Variants in PRRC2C observed in about 807,000 individuals in gnomAD.
The protein encoded by PRRC2C is protein PRRC2C.
In PRRC2C, 72 loss-of-function variants were observed where a neutral mutation model predicts 317.2. That is an observed-to-expected ratio of 0.23 (90% CI 0.19 to 0.28). PRRC2C has a LOEUF of 0.28. Ranked by LOEUF, PRRC2C falls within the 10% of genes least tolerant of loss-of-function variation. PRRC2C has a pLI of 1.00. For missense variants in PRRC2C, 3,074 were observed against 3,459.7 expected, an observed-to-expected ratio of 0.89 and a Z score of 2.80; for synonymous variants, 1,296 against 1,205.9, an observed-to-expected ratio of 1.07 and a Z score of -1.55.
At chr1:171,547,633 C>CT (rs35480518) in intron 17 of PRRC2C, among the ~76,000 whole-genome samples, 99 of 129,790 alleles carry the variant, frequency 7.6e-4, no homozygotes, top group Middle Eastern at 4.5e-3. Context: ...AGTTTCCCTT[C>CT]TTTTTTTTTT....
chr1:171,579,970 T>C lies in PRRC2C; in HGVS notation c.7409+6T>C. On this transcript the variant is annotated splice_donor_region_variant and intron_variant, in intron 28 of 34. Transcript: ENST00000647382. ...TCCTCACTTCAACCATATAGGTAAA[T>C]GCTTTAAAAGTTATGTTTGTAATGA... 1 of 1,512,980 alleles carries C rather than the reference T, an allele frequency of 6.6e-7. No homozygotes were observed. Among genetic ancestry groups the C allele is most frequent in the Non-Finnish European group, 8.8e-7 (1 of 1,133,850 alleles). 93.7% of individuals were successfully genotyped at this position (1,512,980 alleles called of 1,614,324 possible).
intron 1 of PRRC2C, among the ~76,000 whole-genome samples, chr1:171,497,244 T>G (rs1285706755): frequency 6.6e-6 from 1 of 152,218 alleles, no homozygotes; most frequent in African/African-American, 2.4e-5. Flanking sequence ...TATTTCAGTT[T>G]GTTAATTTCT....
intron 4 of PRRC2C, 24 bp from the exon 5 acceptor site, chr1:171,515,710 A>T (rs759191849): frequency 6.5e-7 from 1 of 1,549,554 alleles, no homozygotes; most frequent in South Asian, 1.2e-5. Context: ...GTTACCTTTA[A>T]TGTTTTTTTA....
intron 30 of PRRC2C, 146 bp downstream of exon 30, chr1:171,584,672 C>T (rs2102861352): frequency 1.1e-6 from 1 of 945,076 alleles, no homozygotes; most frequent in Non-Finnish European, 1.5e-6. Context: ...AAGAATTCCA[C>T]TGGGTCCACG....
chr1:171,523,323 C>T lies in PRRC2C; in HGVS notation c.936C>T (p.Asn312=). The stretch of plus-strand genomic sequence containing the variant: ...TGAAGGAGCTTGATAAATTTGATAA[C>T]CTAGATGCTGAAGCTGATGAAGGTT... The part of the protein sequence containing the change: ...SELKELDKFD[N]LDAEADEGWA... The change falls in exon 8 of 35, where the codon AAC becomes AAT. Residue 312 remains asparagine (N), a synonymous_variant. Coordinates refer to ENST00000647382, the MANE Select transcript of PRRC2C (RefSeq NM_001387844.1). 6.2e-7 allele frequency: 1 copy of T among 1,613,874 alleles called. No homozygotes were observed. The highest frequency in any genetic ancestry group is 1.1e-5 in the South Asian group (1 of 91,070).
chr1:171,548,507 A>G (rs1476184654), intron 17 of PRRC2C, among the ~76,000 whole-genome samples: 6 of 152,196 alleles, frequency 3.9e-5, no homozygotes, highest in African/African-American at 7.2e-5. Flanking sequence ...TTTTTATTGT[A>G]TATGTAATTT....
At chr1:171,579,574 C>G in intron 27 of PRRC2C, 108 bp downstream of exon 27, 2 of 1,433,798 alleles carry the variant, frequency 1.4e-6, no homozygotes, top group Non-Finnish European at 1.8e-6. Context: ...AAGCTACCCA[C>G]GATTAGCTTG....
At chr1:171,526,175 T>C (rs1674528582) in intron 10 of PRRC2C, among the ~76,000 whole-genome samples, 1 of 152,212 alleles carries the variant, frequency 6.6e-6, no homozygotes, top group African/African-American at 2.4e-5. Flanking sequence ...TTCATGTATT[T>C]TGTTCCATTA....
intron 1 of PRRC2C, among the ~76,000 whole-genome samples, chr1:171,491,683 C>T (rs1437633055): frequency 6.6e-6 from 1 of 152,140 alleles, no homozygotes; most frequent in Non-Finnish European, 1.5e-5. Flanking sequence ...ACAGAATTCT[C>T]ATTTATCCAG....
intron 1 of PRRC2C, among the ~76,000 whole-genome samples, chr1:171,495,393 C>T (rs1484914447): frequency 6.6e-6 from 1 of 152,152 alleles, no homozygotes; most frequent in Admixed American, 6.5e-5. Context: ...ATTGGTACTC[C>T]TTCAGATGTA....
intron 34 of PRRC2C, chr1:171,591,373 GTTT>G (rs35289979): frequency 1.5e-4 from 41 of 268,150 alleles, no homozygotes; most frequent in South Asian, 6.5e-4. Context: ...TGGTCCTGTG[GTTT>G]TTTTTTTTTT....
At chr1:171,550,379 T>A (rs908521884) in intron 18 of PRRC2C, 139 bp downstream of exon 18, 2 of 707,196 alleles carry the variant, frequency 2.8e-6, no homozygotes, top group Admixed American at 3.6e-5. Context: ...TTCCCAACTT[T>A]TAATCATTTT....
intron 24 of PRRC2C, among the ~76,000 whole-genome samples, chr1:171,574,703 A>G (rs976332111): frequency 1.3e-5 from 2 of 152,194 alleles, no homozygotes; most frequent in Non-Finnish European, 2.9e-5. Flanking sequence ...TTTAAATGAT[A>G]CACTCTCACA....
intron 11 of PRRC2C, among the ~76,000 whole-genome samples, chr1:171,531,608 A>AT (rs892176003): frequency 2.0e-5 from 3 of 152,158 alleles, no homozygotes; most frequent in African/African-American, 7.2e-5. Context: ...TGTTAAAAAC[A>AT]TTTTTTTAAT....
chr1:171,537,173 A>G (rs889561075), intron 14 of PRRC2C, 90 bp from the exon 15 acceptor site: 20 of 998,988 alleles, frequency 2.0e-5, no homozygotes, highest in Non-Finnish European at 2.6e-5. Flanking sequence ...CCACCTAACA[A>G]TTAATAACCT....
Position 171,537,416 on chromosome 1 carries a change from A to T in PRRC2C, c.2447A>T (p.His816Leu). ...CTGTGGGGGTCAGATCCCTATCCTC[A>T]TGCTGAGCCTCAACAAGCAACTACT... Reference protein sequence around the residue: ...RMLWGSDPYPHAEPQQATTPK... With the variant: ...RMLWGSDPYPLAEPQQATTPK... Residue 816 changes from histidine (H) to leucine (L), a missense_variant, in exon 15 of 35, where the codon CAT (histidine) becomes CTT (leucine). Around this residue, in one of 11 missense-constraint regions of PRRC2C, gnomAD observed 1,320 missense variants for 1,395.7 expected, o/e 0.95. Coordinates refer to ENST00000647382, the MANE Select transcript of PRRC2C (RefSeq NM_001387844.1). The T allele has an allele frequency of 6.3e-7, 1 of 1,588,902 alleles. No homozygotes were observed. Among genetic ancestry groups the T allele is most frequent in the Non-Finnish European group, 8.6e-7 (1 of 1,166,710 alleles).
intron 17 of PRRC2C, among the ~76,000 whole-genome samples, chr1:171,547,416 C>T (rs1424545824): frequency 4.6e-5 from 7 of 152,138 alleles, no homozygotes; most frequent in Non-Finnish European, 1.0e-4. Flanking sequence ...AAGTGAAAAA[C>T]TGAGATGAAA....
At chr1:171,573,260 A>G (rs1685086582) in intron 24 of PRRC2C, among the ~76,000 whole-genome samples, 1 of 152,236 alleles carries the variant, frequency 6.6e-6, no homozygotes, top group Non-Finnish European at 1.5e-5. Flanking sequence ...GAAAATAAAA[A>G]CTTCAAATTA....
At chr1:171,515,525 T>G (rs1672201754) in intron 4 of PRRC2C, among the ~76,000 whole-genome samples, 1 of 152,188 alleles carries the variant, frequency 6.6e-6, no homozygotes, top group African/African-American at 2.4e-5. Context: ...ACTGGTAGAT[T>G]ACTGTCTTAG....
Sources: gnomAD v4.1 joint callset for allele counts (sites outside exome capture counted in the v4.1 genomes callset) on GRCh38, gnomAD v4.1.1 for gene constraint, gnomAD v4.1.1 regional missense constraint, MANE v1.5 for transcripts, NCBI Gene and HGNC (gene_info 2026-07-23, HGNC 2026-07-21) for gene names.